The following EFCAB10 variants were observed in gnomAD, a reference collection of about 807,000 sequenced individuals.
EFCAB10 encodes the protein EF-hand calcium binding domain 10, also known as EF-hand calcium-binding domain-containing protein 10.
Under a neutral mutation model 7.7 loss-of-function variants are expected in EFCAB10, and 7 were observed. The ratio of observed to expected loss-of-function variants is 0.91; its 90% CI spans 0.52 to 1.72. The LOEUF is 1.72. EFCAB10 is among the 40% of genes most tolerant of loss of function. The pLI, the probability that EFCAB10 is intolerant of heterozygous loss-of-function variation, is 0.00. For missense variants in EFCAB10, 112 were observed against 61.5 expected, an observed-to-expected ratio of 1.82 and a Z score of -2.74; for synonymous variants, 52 against 21.0, an observed-to-expected ratio of 2.47 and a Z score of -4.03.
Position 105,581,350 on chromosome 7 carries a change from GCCCTTACCCGGC to G in EFCAB10, c.102_106+7del. 2 of 702,888 alleles carry G rather than the reference GCCCTTACCCGGC, an allele frequency of 2.8e-6. No homozygotes were observed. The highest frequency in any genetic ancestry group is 5.2e-6 in the Non-Finnish European group (2 of 384,930). 43.5% of individuals were successfully genotyped at this position (702,888 alleles called of 1,614,324 possible). On this transcript the variant is annotated splice_donor_variant and splice_donor_5th_base_variant and coding_sequence_variant and intron_variant, in exon 1 of 5. Transcript: ENST00000480514. LOFTEE classifies it high-confidence loss of function. ...GGTATGGCTGTACCGGGGCATGGGG[GCCCTTACCCGGC>G]CGAAAGAAAAGGAGGGCGCTGGTGA...
chr7:105,580,519 G>A lies in EFCAB10; in HGVS notation c.106+839C>T, dbSNP rs111739117. Among the ~76,000 whole-genome samples the A allele has an allele frequency of 2.7e-3, 411 of 151,894 alleles. 3 individuals are homozygous for A. Among genetic ancestry groups the A allele is most frequent in the Non-Finnish European group, 4.5e-3 (306 of 67,974 alleles). ...TTTTGAGATAGGATCTCGCTTTGTC[G>A]CCCAGGCTGCAGTGGCGCCATCTCG... is the stretch of plus-strand genomic sequence containing the variant. On this transcript the variant is annotated intron_variant, in intron 1 of 4. Transcript: ENST00000480514.
intron 1 of EFCAB10, 77 bp from the exon 2 acceptor site, chr7:105,569,648 A>G (rs1328946196): frequency 7.7e-6 from 5 of 649,582 alleles, no homozygotes; most frequent in Non-Finnish European, 1.4e-5. Flanking sequence ...TTTAACAATT[A>G]TTAAACAGCT....
At chr7:105,578,442 A>G (rs1316848880) in intron 1 of EFCAB10, among the ~76,000 whole-genome samples, 2 of 152,224 alleles carry the variant, frequency 1.3e-5, no homozygotes, top group African/African-American at 4.8e-5. Context: ...ATAATTCCAG[A>G]AAGATATAGG....
chr7:105,566,374 T>G (rs1264512172), intron 4 of EFCAB10: 1 of 152,192 alleles, frequency 6.6e-6, no homozygotes, highest in African/African-American at 2.4e-5. Context: ...CTAAAATTTA[T>G]AGGCCAGGCA....
At chr7:105,578,008 C>T (rs1792128566) in intron 1 of EFCAB10, among the ~76,000 whole-genome samples, 1 of 152,220 alleles carries the variant, frequency 6.6e-6, no homozygotes, top group African/African-American at 2.4e-5. Flanking sequence ...AAGTGATCTA[C>T]CCACCTTGGC....
chr7:105,580,186 C>T (rs545991826), intron 1 of EFCAB10, among the ~76,000 whole-genome samples: 1 of 152,112 alleles, frequency 6.6e-6, no homozygotes, highest in South Asian at 2.1e-4. Context: ...GGGGTTTTGC[C>T]ATGTTGCCCA....
chr7:105,572,194 C>T (rs1241419790), intron 1 of EFCAB10: 1 of 152,130 alleles, frequency 6.6e-6, no homozygotes, highest in Non-Finnish European at 1.5e-5. Context: ...TATGCTTTGG[C>T]CAACATCTCC....
chr7:105,572,940 T>C (rs1183088590), intron 1 of EFCAB10: 2 of 152,160 alleles, frequency 1.3e-5, no homozygotes, highest in Non-Finnish European at 2.9e-5. Flanking sequence ...CATATACCTG[T>C]AGGCCATTTC....
At chr7:105,566,259 A>C (rs2133486849) in intron 4 of EFCAB10, 1 of 152,254 alleles carries the variant, frequency 6.6e-6, no homozygotes, top group East Asian at 1.9e-4. Flanking sequence ...AAAATTACAA[A>C]TATGTTTAAT....
At chr7:105,573,795 G>A (rs1364922513) in intron 1 of EFCAB10, 4 of 152,134 alleles carry the variant, frequency 2.6e-5, no homozygotes, top group African/African-American at 7.2e-5. Context: ...AGGCCACACA[G>A]CCAGTATGAA....
chr7:105,565,612 C>T lies in EFCAB10; in HGVS notation c.*-165G>A. ...ACTCGGAATCTTTTCCCTTTGTTTT[C>T]TCACTATTGCAAGAGACCAGAAAAT... On this transcript the variant is annotated intron_variant, in intron 4 of 4. Coordinates refer to ENST00000480514, the MANE Select transcript of EFCAB10 (RefSeq NM_001355526.2). The T allele has an allele frequency of 6.2e-7, 1 of 1,613,190 alleles. No individual in the cohort carries two copies. The highest frequency in any genetic ancestry group is 8.5e-7 in the Non-Finnish European group (1 of 1,179,334).
chr7:105,568,377 A>C (rs1373417284), intron 3 of EFCAB10, among the ~76,000 whole-genome samples: 1 of 152,152 alleles, frequency 6.6e-6, no homozygotes, highest in Non-Finnish European at 1.5e-5. Context: ...ATTTTATTCC[A>C]ATGGTTTTTC....
At chr7:105,579,548 G>T (rs1214330987) in intron 1 of EFCAB10, among the ~76,000 whole-genome samples, 1 of 152,162 alleles carries the variant, frequency 6.6e-6, no homozygotes, top group African/African-American at 2.4e-5. Context: ...AAGGATTATA[G>T]ATACTTGCCT....
At chr7:105,575,146 C>T (rs935942748) in intron 1 of EFCAB10, among the ~76,000 whole-genome samples, 6 of 150,292 alleles carry the variant, frequency 4.0e-5, no homozygotes, top group Non-Finnish European at 8.9e-5. Flanking sequence ...GCCATCAGAT[C>T]TCTTGAGACT....
Position 105,569,431 on chromosome 7 carries a change from T to C in EFCAB10, c.247A>G (p.Ile83Val), listed in dbSNP as rs2133508943. 2 of 702,720 alleles carry C rather than the reference T, an allele frequency of 2.8e-6. No homozygotes were observed. The highest frequency in any genetic ancestry group is 5.2e-6 in the Non-Finnish European group (2 of 384,950). The allele number at this position is 702,720 out of a possible 1,614,324, so 43.5% of individuals were successfully genotyped here. ...EMMDSSGRGT[I>V]SFVQYKEALK... Reference sequence around the variant, plus strand: ...CCTTCTTTATACTGCACAAATGATATGGTGCCTCTGCCTGAGGAGTCCATC... The same window carrying C: ...CCTTCTTTATACTGCACAAATGATACGGTGCCTCTGCCTGAGGAGTCCATC... Residue 83 changes from isoleucine (I) to valine (V), a missense_variant, in exon 2 of 5, where the codon ATA becomes GTA. Ile to Val is a conservative substitution (Grantham distance 29, BLOSUM62 3). Coordinates refer to ENST00000480514, the MANE Select transcript of EFCAB10 (RefSeq NM_001355526.2).
At position 105,565,184 on chromosome 7, in the gene EFCAB10, T is replaced by C. The variant is rs985197903; in HGVS notation, c.*263A>G. 1.8e-6 allele frequency: 2 copies of C among 1,137,376 alleles called. No individual in the cohort carries two copies. Among genetic ancestry groups the C allele is most frequent in the Admixed American group, 5.5e-5 (2 of 36,086 alleles). 70.5% of individuals were successfully genotyped at this position (1,137,376 alleles called of 1,614,324 possible). ...ATATTTTTTCTTATCCAAAATGCCC[T>C]AGGACAGAACACTTCCTCAAATTTA... On this transcript the variant is annotated 3_prime_UTR_variant, in exon 5 of 5. Coordinates refer to ENST00000480514, the MANE Select transcript of EFCAB10 (RefSeq NM_001355526.2).
At chr7:105,576,735 C>T (rs901464159) in intron 1 of EFCAB10, among the ~76,000 whole-genome samples, 5 of 152,218 alleles carry the variant, frequency 3.3e-5, no homozygotes, top group East Asian at 1.9e-4. Flanking sequence ...TGAGCCACCG[C>T]GCCTAGCCGG....
At chr7:105,574,822 G>A (rs550671029) in intron 1 of EFCAB10, among the ~76,000 whole-genome samples, 132 of 151,558 alleles carry the variant, frequency 8.7e-4, no homozygotes, top group Non-Finnish European at 1.1e-3. Flanking sequence ...CAGGTCAGGC[G>A]CAGTGGCTCA....
At chr7:105,567,143 G>C in intron 4 of EFCAB10, 1 of 1,579,214 alleles carries the variant, frequency 6.3e-7, no homozygotes, top group Non-Finnish European at 8.6e-7. Flanking sequence ...GTATTGTTTT[G>C]AATTTGAACG....
Sources: gnomAD v4.1 joint callset for allele counts (sites outside exome capture counted in the v4.1 genomes callset) on GRCh38, gnomAD v4.1.1 for gene constraint, MANE v1.5 for transcripts, NCBI Gene and HGNC (gene_info 2026-07-23, HGNC 2026-07-21) for gene names.